Variants in HDAC9 observed in about 807,000 individuals in gnomAD.
HDAC9 encodes the protein MEF-2 interacting transcription repressor (MITR) protein.
A neutral mutation model predicts 139.4 loss-of-function variants in HDAC9; 41 were observed. The ratio of observed to expected loss-of-function variants is 0.29; its 90% confidence interval spans 0.23 to 0.38. The LOEUF (loss-of-function observed/expected upper bound fraction) is 0.38. HDAC9 is among the 10% of genes least tolerant of loss of function. The pLI is 1.00. For synonymous variants in HDAC9, 517 were observed against 476.2 expected (o/e 1.09, Z -1.12); for missense variants, 1,147 against 1,297.0 (o/e 0.88, Z 1.78).
At chr7:18,926,281 T>TTCAATTTTTTTTATA (rs1804220214) in intron 22 of HDAC9, among the ~76,000 whole-genome samples, 1 of 152,040 alleles carries the variant, frequency 6.6e-6, no homozygotes, top group Non-Finnish European at 1.5e-5. Context: ...CCTGTAATTT[T>TTCAATTTTTTTTATA]AGGTTAAGTG....
At chr7:18,213,429 C>T (rs1353731542) in intron 2 of HDAC9, among the ~76,000 whole-genome samples, 2 of 152,112 alleles carry the variant, frequency 1.3e-5, no homozygotes, top group East Asian at 1.9e-4. Context: ...TTACTATAAA[C>T]TCTGATAATA....
chr7:18,607,368 T>G (rs1332225353), intron 6 of HDAC9, among the ~76,000 whole-genome samples: 4 of 152,222 alleles, frequency 2.6e-5, no homozygotes, highest in South Asian at 4.1e-4. Flanking sequence ...AGCTGAGAAT[T>G]CTAGCTTGGC....
chr7:18,181,454 G>A (rs1177934017), intron 2 of HDAC9, among the ~76,000 whole-genome samples: 1 of 152,162 alleles, frequency 6.6e-6, no homozygotes, highest in African/African-American at 2.4e-5. Context: ...CTTTTGCACA[G>A]TTCTGGAGCA....
intron 1 of HDAC9, among the ~76,000 whole-genome samples, chr7:18,393,212 TAAG>T (rs768257268): frequency 6.6e-6 from 1 of 152,056 alleles, no homozygotes. Context: ...TAATTTAGGC[TAAG>T]AAGAAGAGTG....
At chr7:18,634,555 C>T in intron 7 of HDAC9, 72 bp from the exon 8 acceptor site, 1 of 888,826 alleles carries the variant, frequency 1.1e-6, no homozygotes, top group Non-Finnish European at 1.8e-6. Context: ...CCCAATGTTA[C>T]ATGTTACAGT....
intron 22 of HDAC9, among the ~76,000 whole-genome samples, chr7:18,905,073 T>A (rs1024065478): frequency 6.6e-6 from 1 of 151,466 alleles, no homozygotes; most frequent in African/African-American, 2.4e-5. Flanking sequence ...TAATTTTTGG[T>A]TTTTTAGCAA....
intron 15 of HDAC9, among the ~76,000 whole-genome samples, chr7:18,766,635 T>A (rs915686100): frequency 6.6e-6 from 1 of 152,184 alleles, no homozygotes; most frequent in African/African-American, 2.4e-5. Flanking sequence ...TAAGAATAAG[T>A]CTGTACATTT....
At chr7:18,885,939 A>G (rs553721685) in intron 22 of HDAC9, among the ~76,000 whole-genome samples, 1 of 152,280 alleles carries the variant, frequency 6.6e-6, no homozygotes, top group Admixed American at 6.5e-5. Flanking sequence ...TTCTCAAGCA[A>G]GTACATGGCT....
intron 17 of HDAC9, among the ~76,000 whole-genome samples, chr7:18,802,969 A>C (rs1224391875): frequency 2.6e-5 from 4 of 151,810 alleles, no homozygotes; most frequent in Non-Finnish European, 5.9e-5. Context: ...CAATTCACTT[A>C]TATGTGTTAT....
intron 12 of HDAC9, among the ~76,000 whole-genome samples, chr7:18,677,463 T>C (rs1781592689): frequency 6.6e-6 from 1 of 151,968 alleles, no homozygotes; most frequent in Non-Finnish European, 1.5e-5. Flanking sequence ...AACAAGTTTC[T>C]GTAGAAATTT....
chr7:18,473,563 C>T (rs906287091), intron 1 of HDAC9, among the ~76,000 whole-genome samples: 4 of 152,220 alleles, frequency 2.6e-5, no homozygotes, highest in Non-Finnish European at 4.4e-5. Flanking sequence ...TAGCATAACT[C>T]ATTAAGACAA....
chr7:18,939,128 C>G (rs1014258757), intron 23 of HDAC9, among the ~76,000 whole-genome samples: 3 of 152,098 alleles, frequency 2.0e-5, no homozygotes, highest in African/African-American at 7.2e-5. Context: ...ACCAGCTTGT[C>G]CCTTTTGGTT....
chr7:18,820,515 G>A (rs973100394), intron 17 of HDAC9, among the ~76,000 whole-genome samples: 8 of 152,186 alleles, frequency 5.3e-5, no homozygotes, highest in African/African-American at 1.7e-4. Flanking sequence ...GAAAGAAGGT[G>A]TTGTGCTCCC....
At chr7:18,228,725 G>C (rs1296295637) in intron 2 of HDAC9, among the ~76,000 whole-genome samples, 1 of 152,094 alleles carries the variant, frequency 6.6e-6, no homozygotes. Context: ...TTTTCAGTAG[G>C]AGGAAGGCTG....
intron 1 of HDAC9, among the ~76,000 whole-genome samples, chr7:18,155,073 T>TTTTCTTTC (rs34168137): frequency 0.012 from 1,859 of 148,896 alleles, 37 homozygotes; most frequent in African/African-American, 0.043. Context: ...ACAAAGCTTT[T>TTTTCTTTC]TTTCTTTCTT....
intron 2 of HDAC9, among the ~76,000 whole-genome samples, chr7:18,575,276 A>G (rs1317805027): frequency 6.6e-6 from 1 of 152,214 alleles, no homozygotes; most frequent in Non-Finnish European, 1.5e-5. Flanking sequence ...ATTTTGATTA[A>G]CTTTAAAAGG....
At chr7:18,467,988 C>A (rs528578391) in intron 1 of HDAC9, among the ~76,000 whole-genome samples, 166 of 151,876 alleles carry the variant, frequency 1.1e-3, no homozygotes, top group Non-Finnish European at 2.1e-3. Context: ...CTGTTTTTTT[C>A]TTCATGGTTA....
intron 1 of HDAC9, among the ~76,000 whole-genome samples, chr7:18,472,521 A>G (rs529717907): frequency 3.0e-4 from 45 of 152,262 alleles, no homozygotes; most frequent in African/African-American, 1.1e-3. Flanking sequence ...CATCATGTAT[A>G]CTTCTCCCCA....
rs575690099 is a variant in HDAC9 at position 18,273,557 on chromosome 7, A to G, written c.25+111208A>G. Among the ~76,000 whole-genome samples, 8 of 152,300 alleles carry G rather than the reference A, an allele frequency of 5.3e-5. No homozygotes were observed. In the South Asian group the frequency reaches 1.0e-3, roughly 20 times the overall value. ...AAGTTTGAAATTGTATCTTTACCTC[A>G]TGAAAGCACAAAAGCAATTCCAGAT... On this transcript the variant is annotated intron_variant, in intron 2 of 12. Coordinates refer to the HDAC9 transcript ENST00000417496.
Sources: gnomAD v4.1 joint callset for allele counts (sites outside exome capture counted in the v4.1 genomes callset) on GRCh38, gnomAD v4.1.1 for gene constraint, MANE v1.5 for transcripts, NCBI Gene and HGNC (gene_info 2026-07-23, HGNC 2026-07-21) for gene names.